The following MYLK variants were observed in gnomAD, a reference collection of about 807,000 sequenced individuals.
MYLK encodes the protein myosin light chain kinase.
A neutral mutation model predicts 203.4 loss-of-function variants in MYLK; 106 were observed. The ratio of observed to expected loss-of-function variants is 0.52; its 90% CI spans 0.45 to 0.61. The LOEUF (loss-of-function observed/expected upper bound fraction) is 0.61. MYLK is among the 20% of genes least tolerant of loss of function. The pLI is 0.00. For missense variants in MYLK, 2,072 were observed against 2,442.3 expected, an observed-to-expected ratio of 0.85 and a Z score of 3.20; for synonymous variants, 867 against 959.5, an observed-to-expected ratio of 0.90 and a Z score of 1.78.
intron 2 of MYLK, among the ~76,000 whole-genome samples, chr3:123,836,969 T>A (rs190627571): frequency 6.6e-6 from 1 of 152,294 alleles, no homozygotes; most frequent in African/African-American, 2.4e-5. Context: ...TTTCCAACAC[T>A]TAGAATCAAG....
intron 3 of MYLK, among the ~76,000 whole-genome samples, chr3:123,817,580 T>C (rs951615567): frequency 1.2e-4 from 18 of 152,180 alleles, no homozygotes; most frequent in Admixed American, 2.6e-4. Flanking sequence ...TTTTTAAAGC[T>C]TGGGCTACTT....
intron 20 of MYLK, among the ~76,000 whole-genome samples, chr3:123,677,178 A>T (rs1371815952): frequency 6.6e-6 from 1 of 152,198 alleles, no homozygotes; most frequent in Non-Finnish European, 1.5e-5. Context: ...TTCAGATGAT[A>T]TGAAGGAGAG....
At chr3:123,757,639 T>C (rs2063399402) in intron 4 of MYLK, among the ~76,000 whole-genome samples, 2 of 152,174 alleles carry the variant, frequency 1.3e-5, no homozygotes, top group South Asian at 4.2e-4. Flanking sequence ...AGCAGTGAGC[T>C]GAAGAATCTT....
intron 20 of MYLK, among the ~76,000 whole-genome samples, chr3:123,668,693 T>C (rs1303776250): frequency 6.6e-6 from 1 of 152,126 alleles, no homozygotes; most frequent in Non-Finnish European, 1.5e-5. Context: ...GAAAAGCCAC[T>C]TCACCAGTGA....
chr3:123,677,912 TATATATAC>T lies in MYLK; in HGVS notation c.3652+4304_3652+4311del, dbSNP rs1471389469. ...ATATATATATATATATATATATATATATATATACACACACACACACACAGAGTACATCC... is the reference window on the plus strand; with the variant it reads ...ATATATATATATATATATATATATATACACACACACACACAGAGTACATCC... On this transcript the variant is annotated intron_variant, in intron 20 of 33. Transcript: ENST00000360304. Among the ~76,000 whole-genome samples, 240 of 102,018 alleles carry T rather than the reference TATATATAC, an allele frequency of 2.4e-3. 1 individual carries two copies. The highest frequency in any genetic ancestry group is 7.3e-3 in the African/African-American group (189 of 25,880). 66.9% of individuals were successfully genotyped at this position (102,018 alleles called of 152,430 possible). A position where few individuals can be genotyped will look rare whatever the true frequency, so the allele number is the denominator to read the frequency against.
At chr3:123,856,829 C>T (rs1036784073) in intron 2 of MYLK, among the ~76,000 whole-genome samples, 1 of 151,942 alleles carries the variant, frequency 6.6e-6, no homozygotes, top group Non-Finnish European at 1.5e-5. Flanking sequence ...TTCTGCACAG[C>T]AAAAGAAACT....
intron 2 of MYLK, among the ~76,000 whole-genome samples, chr3:123,850,892 T>C (rs899462859): frequency 6.6e-6 from 1 of 152,238 alleles, no homozygotes; most frequent in Non-Finnish European, 1.5e-5. Flanking sequence ...AACATTTAAG[T>C]CTTTAATCCA....
chr3:123,814,661 T>C (rs1177981045), intron 3 of MYLK, among the ~76,000 whole-genome samples: 1 of 152,220 alleles, frequency 6.6e-6, no homozygotes, highest in Non-Finnish European at 1.5e-5. Context: ...AAATCTTATT[T>C]TCAGTGACTG....
At chr3:123,853,382 T>C (rs2031041264) in intron 2 of MYLK, among the ~76,000 whole-genome samples, 1 of 152,030 alleles carries the variant, frequency 6.6e-6, no homozygotes, top group Non-Finnish European at 1.5e-5. Context: ...AGAACCAAGA[T>C]ACTAGAGAAT....
chr3:123,684,306 C>T (rs1030301224), intron 19 of MYLK, among the ~76,000 whole-genome samples: 6 of 152,112 alleles, frequency 3.9e-5, no homozygotes, highest in African/African-American at 1.4e-4. Flanking sequence ...GAAAACTCCT[C>T]GTCTCTCCTC....
At chr3:123,782,497 G>A (rs1283001637) in intron 4 of MYLK, among the ~76,000 whole-genome samples, 1 of 152,168 alleles carries the variant, frequency 6.6e-6, no homozygotes, top group Non-Finnish European at 1.5e-5. Flanking sequence ...ACTTAGAGTT[G>A]GAAGGAAGAT....
At chr3:123,836,120 G>A (rs1420773617) in intron 2 of MYLK, among the ~76,000 whole-genome samples, 1 of 152,178 alleles carries the variant, frequency 6.6e-6, no homozygotes, top group Non-Finnish European at 1.5e-5. Context: ...AGGCTCCCAT[G>A]TCATGGAAAA....
chr3:123,717,855 T>C (rs1264892204), intron 13 of MYLK, among the ~76,000 whole-genome samples: 1 of 20,208 alleles, frequency 4.9e-5, no homozygotes, highest in African/African-American at 2.0e-4. Context: ...TTTTTTTTTT[T>C]TTTTTTTTTT....
intron 2 of MYLK, among the ~76,000 whole-genome samples, chr3:123,865,686 C>G (rs16834828): frequency 0.075 from 11,458 of 152,246 alleles, 722 homozygotes; most frequent in East Asian, 0.36. Context: ...ATTTTTACTT[C>G]AGGTTAACTT....
intron 26 of MYLK, among the ~76,000 whole-genome samples, chr3:123,647,722 T>C (rs1438712053): frequency 8.4e-6 from 1 of 119,486 alleles, no homozygotes; most frequent in Non-Finnish European, 1.5e-5. Context: ...TCTTTAAACA[T>C]TTTTTTTTTT....
At chr3:123,842,336 G>A (rs1233942850) in intron 2 of MYLK, among the ~76,000 whole-genome samples, 2 of 151,998 alleles carry the variant, frequency 1.3e-5, no homozygotes, top group Non-Finnish European at 2.9e-5. Flanking sequence ...GAATACCCCT[G>A]GCATCATCAG....
chr3:123,731,464 C>T (rs75211521), intron 11 of MYLK, among the ~76,000 whole-genome samples: 3,553 of 152,280 alleles, frequency 0.023, 127 homozygotes, highest in African/African-American at 0.075. Flanking sequence ...GCTCCTCTCC[C>T]TTCCTAGTGC....
intron 10 of MYLK, 121 bp from the exon 11 acceptor site, chr3:123,733,223 C>A: frequency 9.1e-7 from 1 of 1,099,744 alleles, no homozygotes. Context: ...AGCTGCCCTC[C>A]CACCTCTGAG....
Position 123,700,174 on chromosome 3 carries a change from T to C in MYLK, c.3294A>G (p.Pro1098=), listed in dbSNP as rs746973965. 10 of 1,613,974 alleles carry C rather than the reference T, an allele frequency of 6.2e-6. No individual in the cohort carries two copies. Among genetic ancestry groups the C allele is most frequent in the African/African-American group, 1.3e-5 (1 of 74,956 alleles). The change falls in exon 18 of 34, where the codon CCA becomes CCG. Residue 1098 remains proline, a synonymous_variant. Transcript: ENST00000360304. ...EKRSESQGTA[P]AFKQKLQDVH... ...CATCTTGCAGCTTCTGCTTGAAGGC[T>C]GGGGCTGTCCCCTGGCTCTCTGATC... is the stretch of plus-strand genomic sequence containing the variant.
Sources: allele counts gnomAD v4.1 joint callset (sites outside exome capture counted in the v4.1 genomes callset), GRCh38; gene constraint gnomAD v4.1.1; transcripts MANE v1.5; gene names NCBI Gene and HGNC (gene_info 2026-07-23, HGNC 2026-07-21).